Variants in NINJ1 observed in about 807,000 individuals in gnomAD.
The protein encoded by NINJ1 is ninjurin-1.
NINJ1 carries 6 observed loss-of-function variants against 12.7 expected under a neutral mutation model. That is an observed-to-expected ratio of 0.47 (90% CI 0.26 to 0.93). The LOEUF (loss-of-function observed/expected upper bound fraction) is 0.93, where lower values mean the gene tolerates loss of function less well. Among genes scored for constraint, NINJ1 ranks in the 40% least tolerant of loss-of-function variants. The pLI, the probability that NINJ1 is intolerant of heterozygous loss-of-function variation, is 0.15. For synonymous variants in NINJ1, 100 were observed against 96.0 expected (o/e 1.04, Z -0.25); for missense variants, 170 against 213.0 (o/e 0.80, Z 1.26).
In NINJ1 at chr9:93,134,135, G is replaced by A; in HGVS notation, c.75+8C>T. ...CAAGATCATGCAGCGGTGGGGGGAA[G>A]GTCTTACCGAGGCGTCCGGGGAGCC... On this transcript the variant is annotated splice_region_variant and intron_variant, in intron 1 of 3. Transcript: ENST00000375446. 6.5e-7 allele frequency: 1 copy of A among 1,549,956 alleles called. No individual in the cohort carries two copies.
chr9:93,127,983 C>T (rs1233100704), intron 1 of NINJ1, among the ~76,000 whole-genome samples: 1 of 152,210 alleles, frequency 6.6e-6, no homozygotes, highest in African/African-American at 2.4e-5. Flanking sequence ...TTTCATGCTG[C>T]GTGTTTTTCA....
chr9:93,126,677 G>C lies in NINJ1; in HGVS notation c.76-39C>G, dbSNP rs188398780. 1,305 of 1,510,242 alleles carry C rather than the reference G, an allele frequency of 8.6e-4. 7 individuals carry two copies. In the African/African-American group the frequency reaches 0.016, roughly 18 times the overall value. The allele number at this position is 1,510,242 out of a possible 1,614,324, so 93.6% of individuals were successfully genotyped here. The stretch of plus-strand genomic sequence containing the variant: ...AATGGTCAGCAAGGCGGGTGGGGGA[G>C]GGGGGCAAGGGCTGTGCCTGAGTCG... On this transcript the variant is annotated intron_variant, in intron 1 of 3. Transcript: ENST00000375446.
intron 3 of NINJ1, among the ~76,000 whole-genome samples, chr9:93,123,631 A>G (rs1827767826): frequency 6.6e-6 from 1 of 152,142 alleles, no homozygotes; most frequent in Non-Finnish European, 1.5e-5. Context: ...CTGCCCCAAG[A>G]GCACTGCTCC....
chr9:93,126,534 G>A lies in NINJ1; in HGVS notation c.180C>T (p.Asn60=), dbSNP rs147901839. The part of the protein sequence containing the change: ...SMLDIALLMA[N]ASQLKAVVEQ... ...CCACGACGGCCTTCAGCTGGGACGCGTTGGCCATCAGCAGCGCGATGTCCA... is the reference window on the plus strand; with the variant it reads ...CCACGACGGCCTTCAGCTGGGACGCATTGGCCATCAGCAGCGCGATGTCCA... The change falls in exon 2 of 4, where the codon AAC becomes AAT. Residue 60 remains asparagine, a synonymous_variant. Transcript: ENST00000375446. The A allele has an allele frequency of 5.0e-5, 81 of 1,614,184 alleles. No individual in the cohort carries two copies. The East Asian group carries it at 5.3e-4, about 11-fold the overall frequency.
chr9:93,128,681 C>G (rs185505906), intron 1 of NINJ1, among the ~76,000 whole-genome samples: 1 of 152,228 alleles, frequency 6.6e-6, no homozygotes, highest in African/African-American at 2.4e-5. Context: ...TTCAAGGCCA[C>G]CCTTATGCTC....
At chr9:93,128,903 T>C (rs1827850916) in intron 1 of NINJ1, among the ~76,000 whole-genome samples, 1 of 152,196 alleles carries the variant, frequency 6.6e-6, no homozygotes. Context: ...CATACATACA[T>C]ATGCACACGT....
rs1267118536 is a variant in NINJ1 at position 93,125,052 on chromosome 9, G to T, written c.315C>A (p.Asp105Glu). The T allele has an allele frequency of 1.2e-6, 2 of 1,612,666 alleles. No homozygotes were observed. Among genetic ancestry groups the T allele is most frequent in the African/African-American group, 1.3e-5 (1 of 74,932 alleles). ...GVLLIFLVKY[D>E]LNNPAKHAKL... ...TGGCGTGCTTGGCCGGGTTGTTAAG[G>T]TCGTACTTGACTGTGGGCGAGAGAG... The change falls in exon 3 of 4, where the codon GAC becomes GAA. Residue 105 changes from aspartate (D) to glutamate (E), a missense_variant. By Grantham distance (45) the Asp-to-Glu change is conservative. Transcript: ENST00000375446.
intron 1 of NINJ1, among the ~76,000 whole-genome samples, chr9:93,129,077 A>G (rs1827853325): frequency 6.6e-6 from 1 of 152,176 alleles, no homozygotes; most frequent in Non-Finnish European, 1.5e-5. Flanking sequence ...CAGAGCCTCC[A>G]GCTCCCCAAG....
Position 93,126,471 on chromosome 9 carries a change from C to T in NINJ1, c.243G>A (p.Val81=). 6.2e-7 allele frequency: 1 copy of T among 1,614,184 alleles called. No homozygotes were observed. Among genetic ancestry groups the T allele is most frequent in the Non-Finnish European group, 8.5e-7 (1 of 1,180,032 alleles). The change falls in exon 2 of 4, where the codon GTG becomes GTA. Residue 81 remains valine (V), a synonymous_variant. Transcript: ENST00000375446. ...GCACAAGGGAGATGGAGATGAGGAC[C>T]ACCAGGGGCACATAGAAGGCGAAGC... ...GPSFAFYVPL[V]VLISISLVLQ...
intron 1 of NINJ1, among the ~76,000 whole-genome samples, chr9:93,133,876 C>G (rs969845674): frequency 1.3e-5 from 2 of 152,186 alleles, no homozygotes; most frequent in East Asian, 3.9e-4. Context: ...CGCCGTGCAG[C>G]CAAGCGCGGG....
Position 93,124,918 on chromosome 9 carries a change from G to T in NINJ1, c.449C>A (p.Pro150His), listed in dbSNP as rs1465405548. The change falls in exon 3 of 4, where the codon CCC (proline) becomes CAC (histidine). Residue 150 changes from proline (P) to histidine (H), a missense_variant. Transcript: ENST00000375446. ...GVQKPLMDMAPQQ is the reference protein window; with the variant it reads ...GVQKPLMDMAHQQ ...GCTCACCTGGGTGTCCTACTGCTGG[G>T]GTGCCATGTCCATCAAGGGCTTCTG... 3 of 1,610,812 alleles carry T rather than the reference G, an allele frequency of 1.9e-6. No homozygotes were observed. Among genetic ancestry groups the T allele is most frequent in the South Asian group, 1.1e-5 (1 of 90,644 alleles).
At chr9:93,124,334 G>C (rs1483157269) in intron 3 of NINJ1, among the ~76,000 whole-genome samples, 1 of 152,194 alleles carries the variant, frequency 6.6e-6, no homozygotes, top group Non-Finnish European at 1.5e-5. Context: ...GAGTGCAGTA[G>C]TACGATCTTA....
intron 3 of NINJ1, 131 bp downstream of exon 3, chr9:93,124,768 G>T: frequency 1.0e-6 from 1 of 955,690 alleles, no homozygotes; most frequent in Non-Finnish European, 1.5e-6. Flanking sequence ...GGCCTTGTAG[G>T]TGTGGACGAG....
chr9:93,133,910 G>A (rs539882066), intron 1 of NINJ1, among the ~76,000 whole-genome samples: 12 of 152,290 alleles, frequency 7.9e-5, no homozygotes, highest in African/African-American at 2.6e-4. Context: ...GGCTGGGGAC[G>A]CCAGCCCGCC....
intron 2 of NINJ1, 64 bp downstream of exon 2, chr9:93,126,346 G>A: frequency 7.0e-7 from 1 of 1,428,528 alleles, no homozygotes; most frequent in Non-Finnish European, 9.7e-7. Flanking sequence ...ACCTGTCCCA[G>A]GCGATGCGAG....
intron 3 of NINJ1, among the ~76,000 whole-genome samples, chr9:93,122,604 C>T (rs188062915): frequency 2.6e-5 from 4 of 152,196 alleles, no homozygotes; most frequent in Non-Finnish European, 4.4e-5. Flanking sequence ...TACTCCATGC[C>T]TCAGTTTCCC....
chr9:93,127,109 G>T (rs542262560), intron 1 of NINJ1, among the ~76,000 whole-genome samples: 1 of 152,220 alleles, frequency 6.6e-6, no homozygotes, highest in South Asian at 2.1e-4. Context: ...CGGACCTAAG[G>T]GCAGAGATCG....
chr9:93,128,682 C>G (rs1292984071), intron 1 of NINJ1, among the ~76,000 whole-genome samples: 3 of 152,348 alleles, frequency 2.0e-5, no homozygotes, highest in South Asian at 2.1e-4. Context: ...TCAAGGCCAC[C>G]CTTATGCTCA....
chr9:93,132,106 C>T (rs537306351), intron 1 of NINJ1, among the ~76,000 whole-genome samples: 29 of 152,154 alleles, frequency 1.9e-4, no homozygotes, highest in African/African-American at 5.3e-4. Flanking sequence ...GCAGGCACCG[C>T]GACCACACCC....
Sources: gnomAD v4.1 joint callset for allele counts (sites outside exome capture counted in the v4.1 genomes callset) on GRCh38, gnomAD v4.1.1 for gene constraint, MANE v1.5 for transcripts, NCBI Gene and HGNC (gene_info 2026-07-23, HGNC 2026-07-21) for gene names.